TOMM5: variants seen among roughly 807,000 people sequenced by gnomAD.
The protein encoded by TOMM5 is translocase of outer mitochondrial membrane 5.
A neutral mutation model predicts 4.8 loss-of-function variants in TOMM5; 1 was observed. The ratio of observed to expected loss-of-function variants is 0.21; its 90% CI spans 0.07 to 0.99. TOMM5 has a LOEUF of 0.99. Among genes scored for constraint, TOMM5 ranks in the 50% least tolerant of loss-of-function variants. TOMM5 has a pLI of 0.60. For missense variants in TOMM5, 60 were observed against 66.6 expected, an observed-to-expected ratio of 0.90 and a Z score of 0.35; for synonymous variants, 26 against 26.7, an observed-to-expected ratio of 0.97 and a Z score of 0.08.
At chr9:37,592,215 C>G in intron 1 of TOMM5, 197 bp downstream of exon 1, 2 of 1,519,754 alleles carry the variant, frequency 1.3e-6, no homozygotes, top group Non-Finnish European at 1.8e-6. Context: ...GCGCCGGCCA[C>G]CACGTGCACT....
chr9:37,588,722 G>A lies in TOMM5; in HGVS notation c.*176C>T, dbSNP rs1361274708. 1.4e-6 allele frequency: 1 copy of A among 714,702 alleles called. No individual in the cohort carries two copies. Among genetic ancestry groups the A allele is most frequent in the Non-Finnish European group, 2.5e-6 (1 of 393,416 alleles). The allele number at this position is 714,702 out of a possible 1,614,324, so 44.3% of individuals were successfully genotyped here. On this transcript the variant is annotated 3_prime_UTR_variant, in exon 2 of 2. Coordinates refer to ENST00000321301, the MANE Select transcript of TOMM5 (RefSeq NM_001001790.3). Reference sequence around the variant, plus strand: ...GACATCGTTTCATACTTCCCAAATAGTTTTATATTTTAGCTTTGAAGGTCA... The same window carrying A: ...GACATCGTTTCATACTTCCCAAATAATTTTATATTTTAGCTTTGAAGGTCA...
At position 37,592,541 on chromosome 9, in the gene TOMM5, T is replaced by C; in HGVS notation, c.-9A>G. 3 of 1,611,532 alleles carry C rather than the reference T, an allele frequency of 1.9e-6. No homozygotes were observed. The highest frequency in any genetic ancestry group is 4.5e-5 in the East Asian group (2 of 44,844). On this transcript the variant is annotated 5_prime_UTR_variant, in exon 1 of 2. Coordinates refer to ENST00000321301, the MANE Select transcript of TOMM5 (RefSeq NM_001001790.3). Reference sequence around the variant, plus strand: ...CCCTCAATCCGGAACATCGCGGCTCTGACTTAGCAGCTTCCAGCCGCCGCG... The same window carrying C: ...CCCTCAATCCGGAACATCGCGGCTCCGACTTAGCAGCTTCCAGCCGCCGCG...
intron 1 of TOMM5, among the ~76,000 whole-genome samples, chr9:37,589,486 A>G (rs1351023329): frequency 1.3e-5 from 2 of 152,238 alleles, no homozygotes; most frequent in Non-Finnish European, 2.9e-5. Context: ...AAATGTCTAG[A>G]AAACTAAGTG....
chr9:37,590,492 T>C (rs917853346), intron 1 of TOMM5, among the ~76,000 whole-genome samples: 1 of 151,844 alleles, frequency 6.6e-6, no homozygotes, highest in African/African-American at 2.4e-5. Context: ...AAGGGGGAAA[T>C]GGGGTAACAA....
intron 1 of TOMM5, among the ~76,000 whole-genome samples, chr9:37,591,927 CT>C (rs1347819702): frequency 6.6e-6 from 1 of 151,646 alleles, no homozygotes; most frequent in East Asian, 1.9e-4. Flanking sequence ...CTCAAACATT[CT>C]TTTTTTTGAG....
At position 37,588,860 on chromosome 9, in the gene TOMM5, G is replaced by A. The variant is rs752769667; in HGVS notation, c.*38C>T. 1 of 1,608,028 alleles carries A rather than the reference G, an allele frequency of 6.2e-7. No individual in the cohort carries two copies. Among genetic ancestry groups the A allele is most frequent in the Non-Finnish European group, 8.5e-7 (1 of 1,174,480 alleles). ...AGAGAGGAGTCGAAACTGTAACCAG[G>A]CTCTTCATATCGTGCATTCATATGT... On this transcript the variant is annotated 3_prime_UTR_variant, in exon 2 of 2. Transcript: ENST00000321301.
chr9:37,588,712 T>A lies in TOMM5; in HGVS notation c.*186A>T. 1 of 707,328 alleles carries A rather than the reference T, an allele frequency of 1.4e-6. No individual in the cohort carries two copies. The highest frequency in any genetic ancestry group is 2.6e-6 in the Non-Finnish European group (1 of 388,802). 43.8% of individuals were successfully genotyped at this position (707,328 alleles called of 1,614,324 possible). On this transcript the variant is annotated 3_prime_UTR_variant, in exon 2 of 2. Transcript: ENST00000321301. ...CAGATCACGAGACATCGTTTCATAC[T>A]TCCCAAATAGTTTTATATTTTAGCT...
rs980958374 is a variant in TOMM5 at position 37,588,713 on chromosome 9, TC to T, written c.*184del. On this transcript the variant is annotated 3_prime_UTR_variant, in exon 2 of 2. Transcript: ENST00000321301. ...AGATCACGAGACATCGTTTCATACT[TC>T]CCAAATAGTTTTATATTTTAGCTTT... is the stretch of plus-strand genomic sequence containing the variant. The T allele has an allele frequency of 2.8e-6, 2 of 707,394 alleles. No individual in the cohort carries two copies. The highest frequency in any genetic ancestry group is 3.5e-5 in the African/African-American group (2 of 57,226). 43.8% of individuals were successfully genotyped at this position (707,394 alleles called of 1,614,324 possible). A position where few individuals can be genotyped will look rare whatever the true frequency, so the allele number is the denominator to read the frequency against.
At chr9:37,591,429 G>C (rs980117550) in intron 1 of TOMM5, among the ~76,000 whole-genome samples, 2 of 152,064 alleles carry the variant, frequency 1.3e-5, no homozygotes, top group African/African-American at 4.8e-5. Flanking sequence ...GCTGGTTCAC[G>C]CCTGTAATCC....
At chr9:37,590,591 G>A (rs768129984) in intron 1 of TOMM5, among the ~76,000 whole-genome samples, 3 of 152,072 alleles carry the variant, frequency 2.0e-5, no homozygotes, top group African/African-American at 4.8e-5. Context: ...CCACTGAATT[G>A]TACACCTTAA....
At chr9:37,591,924 A>T (rs1823109436) in intron 1 of TOMM5, among the ~76,000 whole-genome samples, 1 of 151,818 alleles carries the variant, frequency 6.6e-6, no homozygotes, top group South Asian at 2.1e-4. Context: ...CAGCTCAAAC[A>T]TTCTTTTTTT....
Position 37,588,851 on chromosome 9 carries a change from T to C in TOMM5, c.*47A>G. ...TTCACTTGCAGAGAGGAGTCGAAAC[T>C]GTAACCAGGCTCTTCATATCGTGCA... On this transcript the variant is annotated 3_prime_UTR_variant, in exon 2 of 2. Coordinates refer to ENST00000321301, the MANE Select transcript of TOMM5 (RefSeq NM_001001790.3). The C allele has an allele frequency of 6.2e-7, 1 of 1,600,932 alleles. No individual in the cohort carries two copies. Among genetic ancestry groups the C allele is most frequent in the East Asian group, 2.2e-5 (1 of 44,816 alleles).
chr9:37,588,951 T>G lies in TOMM5; in HGVS notation c.122-19A>C. The G allele has an allele frequency of 6.2e-7, 1 of 1,602,570 alleles. No homozygotes were observed. The highest frequency in any genetic ancestry group is 8.5e-7 in the Non-Finnish European group (1 of 1,170,692). On this transcript the variant is annotated intron_variant, in intron 1 of 1. Coordinates refer to ENST00000321301, the MANE Select transcript of TOMM5 (RefSeq NM_001001790.3). ...AATGGAGCTGAAAGAAAAACAAATC[T>G]AAAATTAGTTTTCAAATCTATTAGC...
In TOMM5 at chr9:37,592,244, CCCGCAG is replaced by C. The variant is rs758068603; in HGVS notation, c.121+162_121+167del. The C allele has an allele frequency of 2.3e-5, 35 of 1,543,206 alleles. No homozygotes were observed. The East Asian group carries it at 2.5e-4, about 11-fold the overall frequency. Reference sequence around the variant, plus strand: ...GTGCACTTCAGTGCCCGGACCCTGACCCGCAGACCTCAAACCGCGCATATGCCCGTC... The same window carrying C: ...GTGCACTTCAGTGCCCGGACCCTGACACCTCAAACCGCGCATATGCCCGTC... On this transcript the variant is annotated intron_variant, in intron 1 of 1. Coordinates refer to ENST00000321301, the MANE Select transcript of TOMM5 (RefSeq NM_001001790.3).
chr9:37,588,815 T>C lies in TOMM5; in HGVS notation c.*83A>G, dbSNP rs762903622. 6 of 1,369,050 alleles carry C rather than the reference T, an allele frequency of 4.4e-6. No individual in the cohort carries two copies. Among genetic ancestry groups the C allele is most frequent in the Non-Finnish European group, 6.3e-6 (6 of 957,104 alleles). 84.8% of individuals were successfully genotyped at this position (1,369,050 alleles called of 1,614,324 possible). A position where few individuals can be genotyped will look rare whatever the true frequency, so the allele number is the denominator to read the frequency against. On this transcript the variant is annotated 3_prime_UTR_variant, in exon 2 of 2. Transcript: ENST00000321301. The stretch of plus-strand genomic sequence containing the variant: ...TCCATTCAAAGAGTCTCTTACACCT[T>C]TCTGGGCCTATTCACTTGCAGAGAG...
chr9:37,592,473 C>T lies in TOMM5; in HGVS notation c.60G>A (p.Met20Ile). The T allele has an allele frequency of 6.2e-7, 1 of 1,614,196 alleles. No individual in the cohort carries two copies. Among genetic ancestry groups the T allele is most frequent in the Non-Finnish European group, 8.5e-7 (1 of 1,180,042 alleles). Residue 20 changes from methionine to isoleucine, a missense_variant, in exon 1 of 2, where the codon ATG becomes ATA. Met to Ile is a conservative substitution (Grantham distance 10, BLOSUM62 1). Transcript: ENST00000321301. Reference protein sequence around the residue: ...KLDPEEMKRKMREDVISSIRN... With the variant: ...KLDPEEMKRKIREDVISSIRN... ...GTATGGAGGAGATCACATCCTCGCGCATCTTCCGTTTCATCTCCTCCGGGT... is the reference window on the plus strand; with the variant it reads ...GTATGGAGGAGATCACATCCTCGCGTATCTTCCGTTTCATCTCCTCCGGGT...
At chr9:37,591,923 C>G in intron 1 of TOMM5, among the ~76,000 whole-genome samples, 1 of 152,124 alleles carries the variant, frequency 6.6e-6, no homozygotes, top group East Asian at 1.9e-4. Context: ...TCAGCTCAAA[C>G]ATTCTTTTTT....
At chr9:37,591,247 T>C (rs1053273718) in intron 1 of TOMM5, among the ~76,000 whole-genome samples, 2 of 151,990 alleles carry the variant, frequency 1.3e-5, no homozygotes, top group African/African-American at 4.8e-5. Flanking sequence ...TTTTAAGATA[T>C]AGAAAAAAAA....
chr9:37,591,764 G>C (rs576060243), intron 1 of TOMM5, among the ~76,000 whole-genome samples: 1 of 152,012 alleles, frequency 6.6e-6, no homozygotes, highest in Admixed American at 6.6e-5. Context: ...CTGGATTTTA[G>C]GTCAAGATCA....
Sources: gnomAD v4.1 joint callset for allele counts (sites outside exome capture counted in the v4.1 genomes callset) on GRCh38, gnomAD v4.1.1 for gene constraint, MANE v1.5 for transcripts, NCBI Gene and HGNC (gene_info 2026-07-23, HGNC 2026-07-21) for gene names.